The following CDH7 variants were observed in gnomAD, a reference collection of about 807,000 sequenced individuals.
CDH7 encodes cadherin 7, also known as cadherin-7.
Under a neutral mutation model 71.8 loss-of-function variants are expected in CDH7, and 25 were observed. The observed-to-expected ratio is 0.35, with a 90% CI of 0.25 to 0.49. CDH7 has a LOEUF of 0.49. Ranked by LOEUF, CDH7 falls within the 20% of genes least tolerant of loss-of-function variation. CDH7 has a pLI of 0.99. For synonymous variants in CDH7, 381 were observed against 363.8 expected (o/e 1.05, Z -0.54); for missense variants, 862 against 974.6 (o/e 0.88, Z 1.54).
At chr18:65,869,582 G>T (rs2628204) in intron 11 of CDH7, among the ~76,000 whole-genome samples, 99,960 of 126,874 alleles carry the variant, frequency 0.79, 39,032 homozygotes, top group East Asian at 0.96. Flanking sequence ...TATTGAAGAC[G>T]CACTTCTTTG....
chr18:65,847,290 T>C (rs1315425498), intron 7 of CDH7, among the ~76,000 whole-genome samples: 2 of 152,296 alleles, frequency 1.3e-5, no homozygotes, highest in East Asian at 1.9e-4. Flanking sequence ...TTGTAGTTCT[T>C]TGAGGAATGG....
chr18:65,840,578 T>A (rs1912694741), intron 6 of CDH7, among the ~76,000 whole-genome samples: 1 of 152,146 alleles, frequency 6.6e-6, no homozygotes, highest in Non-Finnish European at 1.5e-5. Flanking sequence ...TTTCCCCCCA[T>A]ACTGCTCTTG....
At position 65,859,020 on chromosome 18, in the gene CDH7, G is replaced by A. The variant is rs761625164; in HGVS notation, c.1468G>A (p.Val490Ile). ...PEFAMDYETT[V>I]CENAQPGQVI... ...ATTTGCCATGGACTATGAGACCACC[G>A]TCTGTGAAAATGCCCAGCCGGGGCA... Residue 490 changes from valine (V) to isoleucine (I), a missense_variant, in exon 9 of 12, where the codon GTC (valine) becomes ATC (isoleucine). Physicochemically the swap from Val to Ile is conservative, Grantham distance 29. Coordinates refer to ENST00000397968, the MANE Select transcript of CDH7 (RefSeq NM_004361.5). The A allele has an allele frequency of 3.8e-5, 61 of 1,613,382 alleles. No individual in the cohort carries two copies. The highest frequency in any genetic ancestry group is 4.5e-5 in the East Asian group (2 of 44,854).
Position 65,843,961 on chromosome 18 carries a change from C to G in CDH7, c.1131C>G (p.Phe377Leu). Residue 377 changes from phenylalanine (F) to leucine (L), a missense_variant, in exon 7 of 12, where the codon TTC becomes TTG. Transcript: ENST00000397968. ...IVEDVDEPPV[F>L]SSPLYPMEVS... is the part of the protein sequence containing the mutation. ...AAGATGTAGATGAGCCCCCTGTGTT[C>G]TCTTCACCCTTGTACCCTATGGAGG... 6.2e-7 allele frequency: 1 copy of G among 1,612,318 alleles called. No homozygotes were observed. Among genetic ancestry groups the G allele is most frequent in the Non-Finnish European group, 8.5e-7 (1 of 1,179,012 alleles).
chr18:65,762,781 A>T lies in CDH7; in HGVS notation c.-62A>T. ...GGCAAGAGCTACTAAGCCAACTGGA[A>T]CTGTGCCTTTTCTCTTGTCAAGGTT... On this transcript the variant is annotated 5_prime_UTR_variant, in exon 2 of 12. Transcript: ENST00000397968. 1 of 1,435,720 alleles carries T rather than the reference A, an allele frequency of 7.0e-7. No homozygotes were observed. The allele number at this position is 1,435,720 out of a possible 1,614,324, so 88.9% of individuals were successfully genotyped here.
At chr18:65,819,772 C>T (rs1005715181) in intron 4 of CDH7, among the ~76,000 whole-genome samples, 4 of 151,464 alleles carry the variant, frequency 2.6e-5, no homozygotes, top group Non-Finnish European at 4.4e-5. Flanking sequence ...AAAGTGATAT[C>T]CAAAAAAGTT....
At chr18:65,774,916 G>A (rs1909880496) in intron 2 of CDH7, among the ~76,000 whole-genome samples, 1 of 152,106 alleles carries the variant, frequency 6.6e-6, no homozygotes, top group African/African-American at 2.4e-5. Context: ...TTGTTTGTGG[G>A]TATCTGGAAT....
Position 65,815,447 on chromosome 18 carries a change from C to G in CDH7, c.625+843C>G, listed in dbSNP as rs147396658. On this transcript the variant is annotated intron_variant, in intron 4 of 11. Coordinates refer to ENST00000397968, the MANE Select transcript of CDH7 (RefSeq NM_004361.5). The stretch of plus-strand genomic sequence containing the variant: ...TACATTTATGATTATGAATAGTCAT[C>G]AGTACCTGTAATCCTAAATGAATAT... Among the ~76,000 whole-genome samples, 1,342 of 152,260 alleles carry G rather than the reference C, an allele frequency of 8.8e-3. 16 individuals carry two copies. Among genetic ancestry groups the G allele is most frequent in the African/African-American group, 0.03 (1,265 of 41,532 alleles).
At chr18:65,816,259 G>C (rs987756557) in intron 4 of CDH7, among the ~76,000 whole-genome samples, 1 of 152,014 alleles carries the variant, frequency 6.6e-6, no homozygotes, top group South Asian at 2.1e-4. Flanking sequence ...TGAATGCAGA[G>C]ACATTCTGAG....
chr18:65,790,684 C>T (rs1910682197), intron 2 of CDH7, among the ~76,000 whole-genome samples: 1 of 152,106 alleles, frequency 6.6e-6, no homozygotes, highest in Non-Finnish European at 1.5e-5. Flanking sequence ...GCCTGGCTAA[C>T]ATTGTGAAAT....
chr18:65,877,402 T>C (rs1439282120), intron 11 of CDH7, among the ~76,000 whole-genome samples: 2 of 151,960 alleles, frequency 1.3e-5, no homozygotes, highest in African/African-American at 4.8e-5. Context: ...ATATATACTA[T>C]ATATAGCAAT....
chr18:65,862,331 A>G (rs1414599389), intron 10 of CDH7, among the ~76,000 whole-genome samples: 4 of 152,184 alleles, frequency 2.6e-5, no homozygotes, highest in Non-Finnish European at 5.9e-5. Flanking sequence ...CCTTTCTATA[A>G]GTTTATGGTG....
intron 6 of CDH7, among the ~76,000 whole-genome samples, chr18:65,833,280 ATTAC>A (rs1912417214): frequency 6.6e-6 from 1 of 152,166 alleles, no homozygotes; most frequent in Non-Finnish European, 1.5e-5. Flanking sequence ...TCTTTTGCCT[ATTAC>A]TTGTAATATT....
intron 3 of CDH7, among the ~76,000 whole-genome samples, chr18:65,812,509 T>C (rs1037037815): frequency 6.6e-6 from 1 of 152,208 alleles, no homozygotes; most frequent in African/African-American, 2.4e-5. Flanking sequence ...CCAAGTAAAA[T>C]AGCCATCAAA....
chr18:65,829,826 A>G (rs1198015794), intron 6 of CDH7, among the ~76,000 whole-genome samples: 2 of 147,166 alleles, frequency 1.4e-5, no homozygotes, highest in Non-Finnish European at 3.0e-5. Flanking sequence ...GTATTCAATC[A>G]TGGGAACTGG....
chr18:65,751,740 C>A (rs985471630), intron 1 of CDH7, among the ~76,000 whole-genome samples: 1 of 152,124 alleles, frequency 6.6e-6, no homozygotes, highest in Non-Finnish European at 1.5e-5. Flanking sequence ...ATCCTGCGTC[C>A]CCTCCGCCTG....
intron 2 of CDH7, among the ~76,000 whole-genome samples, chr18:65,797,364 T>C (rs1228009826): frequency 6.6e-6 from 1 of 152,188 alleles, no homozygotes; most frequent in Non-Finnish European, 1.5e-5. Flanking sequence ...TTACATTTCT[T>C]TATGAAAATG....
intron 1 of CDH7, among the ~76,000 whole-genome samples, chr18:65,757,604 C>A (rs78497115): frequency 1.3e-5 from 2 of 151,732 alleles, no homozygotes; most frequent in East Asian, 3.9e-4. Flanking sequence ...ATTTTTTTTC[C>A]GTTTCAGATT....
intron 6 of CDH7, among the ~76,000 whole-genome samples, 171 bp downstream of exon 6, chr18:65,825,002 GT>G (rs939099041): frequency 2.0e-5 from 3 of 151,772 alleles, no homozygotes; most frequent in African/African-American, 7.2e-5. Context: ...GGAACCTTGA[GT>G]TACATTTGTA....
Sources: gnomAD v4.1 joint callset for allele counts (sites outside exome capture counted in the v4.1 genomes callset) on GRCh38, gnomAD v4.1.1 for gene constraint, MANE v1.5 for transcripts, NCBI Gene and HGNC (gene_info 2026-07-23, HGNC 2026-07-21) for gene names.